PTER: variants seen among roughly 807,000 people sequenced by gnomAD.
PTER encodes the protein phosphotriesterase related, also known as N-acetyltaurine hydrolase.
A neutral mutation model predicts 29.6 loss-of-function variants in PTER; 38 were observed. That is an observed-to-expected ratio of 1.28 (90% CI 0.99 to 1.68). The LOEUF (loss-of-function observed/expected upper bound fraction) is 1.68. Ranked by LOEUF, PTER falls within the 40% of genes most tolerant of loss-of-function variation. The pLI is 0.00. For synonymous variants in PTER, 172 were observed against 154.5 expected, an observed-to-expected ratio of 1.11 and a Z score of -0.84; for missense variants, 482 against 427.8, an observed-to-expected ratio of 1.13 and a Z score of -1.12.
downstream of PTER, among the ~76,000 whole-genome samples, chr10:16,518,691 T>G (rs1836989744): frequency 6.6e-6 from 1 of 152,234 alleles, no homozygotes. Context: ...GATGTGAGCA[T>G]TTTTACACAT....
chr10:16,498,063 C>T (rs1836180691), intron 3 of PTER, among the ~76,000 whole-genome samples: 1 of 152,134 alleles, frequency 6.6e-6, no homozygotes, highest in South Asian at 2.1e-4. Context: ...TGAACAAGTA[C>T]TTGATACCAA....
chr10:16,444,196 A>C (rs999716243), intron 1 of PTER, among the ~76,000 whole-genome samples: 1 of 151,866 alleles, frequency 6.6e-6, no homozygotes, highest in African/African-American at 2.4e-5. Context: ...TATTTTCAGC[A>C]TGTTGGCCGG....
At chr10:16,444,860 A>T (rs1813371128) in intron 1 of PTER, among the ~76,000 whole-genome samples, 1 of 152,192 alleles carries the variant, frequency 6.6e-6, no homozygotes, top group Admixed American at 6.5e-5. Flanking sequence ...CCTTAAAAGA[A>T]TCTTACGTAG....
At chr10:16,438,499 G>T (rs985684359) in intron 1 of PTER, among the ~76,000 whole-genome samples, 1 of 149,850 alleles carries the variant, frequency 6.7e-6, no homozygotes, top group African/African-American at 2.4e-5. Flanking sequence ...GGTAGAGACG[G>T]GGTTTTGCCA....
intron 1 of PTER, among the ~76,000 whole-genome samples, chr10:16,437,981 C>T (rs1018746015): frequency 2.0e-5 from 3 of 152,138 alleles, no homozygotes; most frequent in African/African-American, 7.2e-5. Context: ...GTTCTGGTTC[C>T]AGCTCAGTGA....
chr10:16,468,171 G>A (rs1191032306), intron 1 of PTER, among the ~76,000 whole-genome samples: 2 of 151,928 alleles, frequency 1.3e-5, no homozygotes, highest in Admixed American at 6.6e-5. Context: ...GCGAAACCCC[G>A]TCTCTACTAA....
At chr10:16,470,386 T>C (rs892216634) in intron 1 of PTER, among the ~76,000 whole-genome samples, 1 of 152,240 alleles carries the variant, frequency 6.6e-6, no homozygotes, top group Admixed American at 6.5e-5. Flanking sequence ...TCGAATAACA[T>C]CTTACACTTA....
chr10:16,486,466 G>T lies in PTER; in HGVS notation c.547G>T (p.Val183Phe), dbSNP rs868116035. The change falls in exon 3 of 5, where the codon GTT becomes TTT. Residue 183 changes from valine (V) to phenylalanine (F), a missense_variant. Coordinates refer to ENST00000535784, the MANE Select transcript of PTER (RefSeq NM_001261836.2). Reference sequence around the variant, plus strand: ...GCCTTTGACTGAGAGTGAAAGAAAGGTTCTCCAGGCCACAGCTCATGCCCA... The same window carrying T: ...GCCTTTGACTGAGAGTGAAAGAAAGTTTCTCCAGGCCACAGCTCATGCCCA... ...SWPLTESERK[V>F]LQATAHAQAQ... 38 of 1,613,920 alleles carry T rather than the reference G, an allele frequency of 2.4e-5. No individual in the cohort carries two copies. The highest frequency in any genetic ancestry group is 2.7e-5 in the Non-Finnish European group (32 of 1,179,984).
intron 1 of PTER, among the ~76,000 whole-genome samples, chr10:16,482,813 G>A (rs769038093): frequency 2.0e-4 from 30 of 151,580 alleles, no homozygotes; most frequent in African/African-American, 4.8e-4. Flanking sequence ...ACATAATCTC[G>A]CTCTGTTTCC....
At chr10:16,438,480 T>G (rs1425634115) in intron 1 of PTER, among the ~76,000 whole-genome samples, 54 of 151,142 alleles carry the variant, frequency 3.6e-4, no homozygotes, top group Admixed American at 9.2e-4. Flanking sequence ...TTTTTTTTTT[T>G]GTATTTTTGG....
In PTER at chr10:16,484,697, C is replaced by T. The variant is rs1044182110; in HGVS notation, c.313C>T (p.Arg105Ter). ...GGAAAACACAACCACTGGGATTAGCCGAGACACACAGACGTTGAAGAGGCT... is the reference window on the plus strand; with the variant it reads ...GGAAAACACAACCACTGGGATTAGCTGAGACACACAGACGTTGAAGAGGCT... Reference protein sequence around the residue: ...LVENTTTGISRDTQTLKRLAE... With the variant: ...LVENTTTGIS Residue 105 changes from arginine to a stop codon, truncating the protein, a stop_gained, in exon 2 of 5, where the codon CGA (arginine) becomes TGA (stop). Transcript: ENST00000535784. LOFTEE classifies it high-confidence loss of function. 26 of 1,613,846 alleles carry T rather than the reference C, an allele frequency of 1.6e-5. No homozygotes were observed. The highest frequency in any genetic ancestry group is 1.9e-5 in the Non-Finnish European group (22 of 1,179,990).
chr10:16,477,234 G>A (rs1483159838), intron 1 of PTER, among the ~76,000 whole-genome samples: 1 of 149,654 alleles, frequency 6.7e-6, no homozygotes, highest in Non-Finnish European at 1.5e-5. Flanking sequence ...TGAAGGATGT[G>A]AACTGGAAAT....
chr10:16,464,965 G>A (rs914967815), intron 1 of PTER, among the ~76,000 whole-genome samples: 87 of 152,142 alleles, frequency 5.7e-4, no homozygotes, highest in African/African-American at 2.0e-3. Context: ...GAGAGAACTC[G>A]TGCAGGGGAA....
At chr10:16,454,029 G>A (rs116065715) in intron 1 of PTER, among the ~76,000 whole-genome samples, 14 of 152,180 alleles carry the variant, frequency 9.2e-5, no homozygotes, top group African/African-American at 3.4e-4. Flanking sequence ...AGTTGGTAAA[G>A]TTTTAGCTTT....
chr10:16,483,045 A>C (rs1339344518), intron 1 of PTER, among the ~76,000 whole-genome samples: 1 of 152,276 alleles, frequency 6.6e-6, no homozygotes, highest in Admixed American at 6.5e-5. Flanking sequence ...GCCTCCCAAA[A>C]GTGCTGGGAT....
chr10:16,463,788 T>C (rs1834711292), intron 1 of PTER, among the ~76,000 whole-genome samples: 1 of 152,176 alleles, frequency 6.6e-6, no homozygotes, highest in African/African-American at 2.4e-5. Flanking sequence ...AGGAGAAATC[T>C]CAGAGGTCAT....
chr10:16,487,804 A>G (rs2133457390), intron 3 of PTER, among the ~76,000 whole-genome samples: 1 of 152,314 alleles, frequency 6.6e-6, no homozygotes, highest in Admixed American at 6.5e-5. Context: ...TATCTTGCCT[A>G]TTGGAGTAAA....
chr10:16,480,669 T>A (rs951690214), intron 1 of PTER, among the ~76,000 whole-genome samples: 2 of 152,206 alleles, frequency 1.3e-5, no homozygotes, highest in Non-Finnish European at 2.9e-5. Context: ...TGGAAAGTCC[T>A]ACCCTCTGCA....
chr10:16,495,251 A>C (rs1228284967), intron 3 of PTER, among the ~76,000 whole-genome samples: 1 of 150,848 alleles, frequency 6.6e-6, no homozygotes, highest in Non-Finnish European at 1.5e-5. Context: ...GCTCACTGCA[A>C]CCTCCACCTC....
Sources: allele counts gnomAD v4.1 joint callset (sites outside exome capture counted in the v4.1 genomes callset), GRCh38; gene constraint gnomAD v4.1.1; transcripts MANE v1.5; gene names NCBI Gene and HGNC (gene_info 2026-07-23, HGNC 2026-07-21).